The following DCC variants were observed in gnomAD, a reference collection of about 807,000 sequenced individuals.
The protein encoded by DCC is netrin receptor DCC.
Under a neutral mutation model 172.5 loss-of-function variants are expected in DCC, and 58 were observed. The ratio of observed to expected loss-of-function variants is 0.34; its 90% CI spans 0.27 to 0.42. The LOEUF (loss-of-function observed/expected upper bound fraction) is 0.42. DCC is among the 10% of genes least tolerant of loss of function. The pLI is 1.00. For synonymous variants in DCC, 709 were observed against 644.5 expected (o/e 1.10, Z -1.52); for missense variants, 1,740 against 1,791.0 (o/e 0.97, Z 0.51).
intron 2 of DCC, among the ~76,000 whole-genome samples, chr18:52,883,353 TGTGTGTG>T (rs2039519948): frequency 6.6e-5 from 2 of 30,156 alleles, no homozygotes; most frequent in Non-Finnish European, 1.1e-4. Context: ...TTTATTTATG[TGTGTGTG>T]TGTGTGTGTG....
chr18:53,376,466 T>G (rs924172708), intron 15 of DCC, among the ~76,000 whole-genome samples: 5 of 152,214 alleles, frequency 3.3e-5, no homozygotes, highest in Admixed American at 2.6e-4. Flanking sequence ...CTAAATGTGA[T>G]GATGAAAGCT....
chr18:52,726,525 C>A (rs566588624), intron 1 of DCC, among the ~76,000 whole-genome samples: 1 of 152,296 alleles, frequency 6.6e-6, no homozygotes, highest in Admixed American at 6.5e-5. Flanking sequence ...GATTCTCCAG[C>A]ATTATTTATA....
In DCC at chr18:52,971,949, C is replaced by A. The variant is rs1005435427; in HGVS notation, c.985+46579C>A. Reference sequence around the variant, plus strand: ...TCATCAAGCATCCTGTGCTCCCTCACGGCATCAGAACACCACTTCCCCTCT... The same window carrying A: ...TCATCAAGCATCCTGTGCTCCCTCAAGGCATCAGAACACCACTTCCCCTCT... On this transcript the variant is annotated intron_variant, in intron 5 of 28. Coordinates refer to ENST00000442544, the MANE Select transcript of DCC (RefSeq NM_005215.4). Among the ~76,000 whole-genome samples the A allele has an allele frequency of 2.0e-5, 3 of 152,178 alleles. No homozygotes were observed. The South Asian group carries it at 6.2e-4, about 32-fold the overall frequency.
intron 1 of DCC, among the ~76,000 whole-genome samples, chr18:52,357,169 T>C (rs1030255459): frequency 6.6e-6 from 1 of 152,174 alleles, no homozygotes; most frequent in Non-Finnish European, 1.5e-5. Flanking sequence ...CAAAAATTCA[T>C]GTACTAAAAA....
chr18:52,759,058 G>GA (rs970482809), intron 2 of DCC: 1 of 151,952 alleles, frequency 6.6e-6, no homozygotes, highest in African/African-American at 2.4e-5. Context: ...ATGAGAGAAA[G>GA]AAAAAATAAG....
At chr18:53,057,081 A>G (rs1191088750) in intron 5 of DCC, among the ~76,000 whole-genome samples, 43 of 25,648 alleles carry the variant, frequency 1.7e-3, no homozygotes, top group Admixed American at 3.5e-3. Flanking sequence ...TCTAAAAGTA[A>G]AAAAAAAAAA....
intron 5 of DCC, among the ~76,000 whole-genome samples, chr18:53,021,158 C>T (rs1243074006): frequency 1.3e-5 from 2 of 152,074 alleles, no homozygotes; most frequent in South Asian, 2.1e-4. Flanking sequence ...CTCACACACA[C>T]GGCAGGGTAT....
intron 12 of DCC, among the ~76,000 whole-genome samples, chr18:53,293,485 T>A (rs2057029378): frequency 6.6e-6 from 1 of 152,156 alleles, no homozygotes; most frequent in Non-Finnish European, 1.5e-5. Context: ...AAATTTTTAT[T>A]TTAGTTTCAG....
intron 14 of DCC, among the ~76,000 whole-genome samples, chr18:53,328,603 C>T (rs144826478): frequency 9.7e-4 from 147 of 151,564 alleles, no homozygotes; most frequent in African/African-American, 3.4e-3. Flanking sequence ...GGTGTGATCT[C>T]GGCTCACTGC....
chr18:52,691,848 C>A (rs976631757), intron 1 of DCC, among the ~76,000 whole-genome samples: 30 of 152,142 alleles, frequency 2.0e-4, no homozygotes, highest in African/African-American at 6.3e-4. Flanking sequence ...ACCCATTCTG[C>A]ACTCAAATGT....
At chr18:53,063,555 T>G (rs1308871733) in intron 6 of DCC, 96 bp downstream of exon 6, 1 of 1,038,526 alleles carries the variant, frequency 9.6e-7, no homozygotes, top group African/African-American at 1.6e-5. Context: ...AAGGTTCCTG[T>G]TGGAGATTTT....
In DCC at chr18:53,086,425, TTCCTTTC is replaced by T. The variant is rs2042903397; in HGVS notation, c.1261+20261_1261+20267del. 1.7e-4 allele frequency among the ~76,000 whole-genome samples: 7 copies of T among 40,936 alleles called. 2 individuals are homozygous for T. Among genetic ancestry groups the T allele is most frequent in the African/African-American group, 6.6e-4 (2 of 3,028 alleles). 26.9% of individuals were successfully genotyped at this position (40,936 alleles called of 152,430 possible). A position where few individuals can be genotyped will look rare whatever the true frequency, so the allele number is the denominator to read the frequency against. On this transcript the variant is annotated intron_variant, in intron 7 of 28. Transcript: ENST00000442544. ...TCCTTTCTTCTTCTTCTTCTTCTTC[TTCCTTTC>T]TTCTTCTTCTTCTTCTTCCTTTCTT...
intron 16 of DCC, among the ~76,000 whole-genome samples, chr18:53,390,271 A>T (rs76609691): frequency 0.43 from 63,270 of 147,160 alleles, 15,120 homozygotes; most frequent in Non-Finnish European, 0.56. Context: ...CTCTCCTTTT[A>T]TTTTTGTTTT....
At chr18:52,642,463 C>T (rs897970639) in intron 1 of DCC, among the ~76,000 whole-genome samples, 3 of 151,966 alleles carry the variant, frequency 2.0e-5, no homozygotes, top group African/African-American at 7.3e-5. Context: ...TCCCCAATAA[C>T]CTATGGAAAT....
intron 7 of DCC, among the ~76,000 whole-genome samples, chr18:53,079,728 A>G (rs888116700): frequency 2.0e-5 from 3 of 152,170 alleles, no homozygotes; most frequent in Non-Finnish European, 1.5e-5. Flanking sequence ...AAGATGTGAC[A>G]TCTGAGTTGA....
In DCC at chr18:52,894,346, G is replaced by C. The variant is rs544678591; in HGVS notation, c.413-11698G>C. On this transcript the variant is annotated intron_variant, in intron 2 of 28. Transcript: ENST00000442544. ...TTAGGATGATCCCTGGCACATATTA[G>C]ATGTCCAATAAATGCTGACTGACTC... Among the ~76,000 whole-genome samples the C allele has an allele frequency of 1.3e-4, 19 of 151,832 alleles. 1 individual carries two copies. The South Asian group carries it at 1.7e-3, about 13-fold the overall frequency.
At position 53,098,460 on chromosome 18, in the gene DCC, C is replaced by CT. The variant is rs2043117957; in HGVS notation, c.1261+32298dup. ...TTCTTTGACCTTCATGACCTTGAGA[C>CT]TTTTGAAGATTACAAGCCAGTCACT... On this transcript the variant is annotated intron_variant, in intron 7 of 28. Coordinates refer to ENST00000442544, the MANE Select transcript of DCC (RefSeq NM_005215.4). 3.3e-5 allele frequency among the ~76,000 whole-genome samples: 5 copies of CT among 152,182 alleles called. No individual in the cohort carries two copies. In the South Asian group the frequency reaches 1.0e-3, roughly 32 times the overall value.
At chr18:52,905,928 G>A in intron 2 of DCC, 116 bp from the exon 3 acceptor site, 1 of 809,886 alleles carries the variant, frequency 1.2e-6, no homozygotes, top group Non-Finnish European at 2.1e-6. Context: ...GACGATATTT[G>A]AGAAAACAGC....
At chr18:52,456,959 T>TA (rs1448386410) in intron 1 of DCC, among the ~76,000 whole-genome samples, 30 of 151,824 alleles carry the variant, frequency 2.0e-4, no homozygotes, top group East Asian at 7.7e-4. Flanking sequence ...GTTTTTTTTT[T>TA]AAAAAAATAG....
Sources: gnomAD v4.1 joint callset for allele counts (sites outside exome capture counted in the v4.1 genomes callset) on GRCh38, gnomAD v4.1.1 for gene constraint, MANE v1.5 for transcripts, NCBI Gene and HGNC (gene_info 2026-07-23, HGNC 2026-07-21) for gene names.